The following LEF1 variants were observed in gnomAD, a reference collection of about 807,000 sequenced individuals.
LEF1 encodes lymphoid enhancer-binding factor 1.
A neutral mutation model predicts 51.2 loss-of-function variants in LEF1; 14 were observed. The observed-to-expected ratio is 0.27, with a 90% CI of 0.18 to 0.43. The LOEUF is 0.43. Among genes scored for constraint, LEF1 ranks in the 20% least tolerant of loss-of-function variants. LEF1 has a pLI of 1.00. For synonymous variants in LEF1, 185 were observed against 183.2 expected, an observed-to-expected ratio of 1.01 and a Z score of -0.08; for missense variants, 386 against 512.0, an observed-to-expected ratio of 0.75 and a Z score of 2.37.
intron 3 of LEF1, among the ~76,000 whole-genome samples, chr4:108,102,357 C>T (rs1740884010): frequency 6.6e-6 from 1 of 152,166 alleles, no homozygotes; most frequent in Non-Finnish European, 1.5e-5. Flanking sequence ...ATCATTACAA[C>T]CTACAGATGA....
chr4:108,063,565 C>G (rs954811493), intron 11 of LEF1, 58 bp downstream of exon 11: 1 of 1,315,864 alleles, frequency 7.6e-7, no homozygotes, highest in African/African-American at 1.5e-5. Context: ...GATTCACAAG[C>G]AAGTGCCTCT....
chr4:108,159,319 T>C (rs1744925615), intron 3 of LEF1, among the ~76,000 whole-genome samples: 1 of 152,172 alleles, frequency 6.6e-6, no homozygotes, highest in African/African-American at 2.4e-5. Context: ...ATATATACAT[T>C]TGAGTTAGAA....
At chr4:108,148,318 C>T (rs1744123328) in intron 3 of LEF1, among the ~76,000 whole-genome samples, 1 of 151,872 alleles carries the variant, frequency 6.6e-6, no homozygotes. Flanking sequence ...TGGCCCAGCC[C>T]AGAGGTGTCT....
chr4:108,064,446 G>A, intron 9 of LEF1, 62 bp from the exon 10 acceptor site: 1 of 1,270,528 alleles, frequency 7.9e-7, no homozygotes, highest in Non-Finnish European at 1.1e-6. Flanking sequence ...AGATGAATGT[G>A]ATGTGGAAGT....
At chr4:108,132,766 T>G (rs1371312552) in intron 3 of LEF1, among the ~76,000 whole-genome samples, 1 of 131,898 alleles carries the variant, frequency 7.6e-6, no homozygotes, top group Non-Finnish European at 1.6e-5. Context: ...TTCCCCAGGC[T>G]CCAACCATCC....
In LEF1 at chr4:108,056,434, T is replaced by A. The variant is rs185237290; in HGVS notation, c.*6+7189A>T. 3.8e-3 allele frequency among the ~76,000 whole-genome samples: 585 copies of A among 152,364 alleles called. 12 individuals are homozygous for A. The highest frequency in any genetic ancestry group is 4.7e-4 in the Non-Finnish European group (32 of 68,034). On this transcript the variant is annotated intron_variant, in intron 11 of 11. Transcript: ENST00000265165. ...CCTTTCTCCTTAAGTGAGCACCATT[T>A]GTTTCCGGCACTTGCCATCAAAAGG...
intron 3 of LEF1, among the ~76,000 whole-genome samples, chr4:108,097,551 G>A (rs76655938): frequency 0.041 from 6,192 of 152,152 alleles, 387 homozygotes; most frequent in African/African-American, 0.14. Flanking sequence ...ATAATTTATC[G>A]TAAGTTTTAA....
intron 3 of LEF1, among the ~76,000 whole-genome samples, chr4:108,092,917 TAAAAAAAAAAAAAAAAA>T (rs71592104): frequency 9.6e-4 from 30 of 31,142 alleles, no homozygotes; most frequent in Non-Finnish European, 8.0e-4. Flanking sequence ...AATGAATATG[TAAAAAAAAAAAAAAAAA>T]AAAAAAAAAA....
intron 3 of LEF1, among the ~76,000 whole-genome samples, chr4:108,146,242 T>C (rs184502039): frequency 1.6e-4 from 25 of 152,362 alleles, no homozygotes; most frequent in African/African-American, 6.0e-4. Context: ...ATCTGGATGA[T>C]GACTGGGGTC....
chr4:108,075,422 T>G (rs1578311092), intron 8 of LEF1: 1 of 152,230 alleles, frequency 6.6e-6, no homozygotes, highest in African/African-American at 2.4e-5. Context: ...CCTCTATGTT[T>G]CACAAGGGTT....
At chr4:108,066,216 A>AC (rs1738069325) in intron 9 of LEF1, among the ~76,000 whole-genome samples, 1 of 152,290 alleles carries the variant, frequency 6.6e-6, no homozygotes, top group South Asian at 2.1e-4. Context: ...GAGGGAGTGC[A>AC]CGCTTCTTTC....
At chr4:108,078,107 C>T (rs1739034784) in intron 8 of LEF1, 113 bp downstream of exon 8, 1 of 947,092 alleles carries the variant, frequency 1.1e-6, no homozygotes, top group African/African-American at 1.6e-5. Flanking sequence ...CATATCATAT[C>T]TTGAAGTGCA....
chr4:108,064,342 C>A lies in LEF1; in HGVS notation c.1159G>T (p.Ala387Ser), dbSNP rs766282843. ...KRKREKLQES[A>S]SGTGPRMTAA... ...AAAGTCTCATGGTGCCTACCTGATGCAGATTCCTGTAGTTTCTCTCTCTTC... is the reference window on the plus strand; with the variant it reads ...AAAGTCTCATGGTGCCTACCTGATGAAGATTCCTGTAGTTTCTCTCTCTTC... Residue 387 changes from alanine to serine, a missense_variant, in exon 10 of 12, where the codon GCA becomes TCA. Around this residue, in one of 2 missense-constraint regions of LEF1, gnomAD observed 51 missense variants for 121.3 expected, o/e 0.42. Transcript: ENST00000265165. 6 of 1,611,530 alleles carry A rather than the reference C, an allele frequency of 3.7e-6. No individual in the cohort carries two copies. Among genetic ancestry groups the A allele is most frequent in the Non-Finnish European group, 5.1e-6 (6 of 1,177,734 alleles).
intron 3 of LEF1, among the ~76,000 whole-genome samples, chr4:108,104,476 AAT>A (rs201314868): frequency 2.7e-5 from 4 of 147,640 alleles, no homozygotes; most frequent in Admixed American, 6.8e-5. Context: ...ATATATATAA[AAT>A]ATATATATAA....
intron 3 of LEF1, among the ~76,000 whole-genome samples, chr4:108,099,568 G>GTATA (rs1740635457): frequency 2.1e-5 from 1 of 48,148 alleles, no homozygotes; most frequent in African/African-American, 7.2e-5. Flanking sequence ...GTGTGTGTGT[G>GTATA]TGTATATATA....
intron 3 of LEF1, among the ~76,000 whole-genome samples, chr4:108,095,165 G>A (rs1427000044): frequency 1.3e-5 from 2 of 152,136 alleles, no homozygotes; most frequent in East Asian, 1.9e-4. Flanking sequence ...AACGGTCCAT[G>A]AGCCCAACTC....
At chr4:108,110,186 T>G (rs1741436409) in intron 3 of LEF1, among the ~76,000 whole-genome samples, 1 of 152,218 alleles carries the variant, frequency 6.6e-6, no homozygotes, top group African/African-American at 2.4e-5. Context: ...CAAACAATAC[T>G]TAACTGTTAA....
chr4:108,057,946 T>G, intron 11 of LEF1, among the ~76,000 whole-genome samples: 1 of 151,550 alleles, frequency 6.6e-6, no homozygotes, highest in East Asian at 1.9e-4. Context: ...CTATCTCTGC[T>G]CACTGCAACC....
intron 3 of LEF1, among the ~76,000 whole-genome samples, chr4:108,108,859 C>T (rs1741344085): frequency 1.3e-5 from 2 of 152,182 alleles, no homozygotes; most frequent in African/African-American, 4.8e-5. Flanking sequence ...CTCTTAATTA[C>T]ATTAAAAAGA....
Sources: gnomAD v4.1 joint callset for allele counts (sites outside exome capture counted in the v4.1 genomes callset) on GRCh38, gnomAD v4.1.1 for gene constraint, gnomAD v4.1.1 regional missense constraint, MANE v1.5 for transcripts, NCBI Gene and HGNC (gene_info 2026-07-23, HGNC 2026-07-21) for gene names.